The following ADD3 variants were observed in gnomAD, a reference collection of about 807,000 sequenced individuals.
ADD3 encodes adducin 3.
In ADD3, 25 loss-of-function variants were observed where a neutral mutation model predicts 80.2. The observed-to-expected ratio is 0.31, with a 90% CI of 0.23 to 0.44. ADD3 has a LOEUF of 0.44. ADD3 is among the 20% of genes least tolerant of loss of function. ADD3 has a pLI of 1.00. For missense variants in ADD3, 829 were observed against 847.5 expected, an observed-to-expected ratio of 0.98 and a Z score of 0.27; for synonymous variants, 284 against 289.6, an observed-to-expected ratio of 0.98 and a Z score of 0.20.
chr10:110,129,205 A>G (rs917907831), intron 12 of ADD3, among the ~76,000 whole-genome samples: 4 of 146,876 alleles, frequency 2.7e-5, no homozygotes, highest in Admixed American at 1.4e-4. Flanking sequence ...GCTGGAGCGC[A>G]ATGGCGTGAC....
At chr10:110,043,937 G>T (rs1012196111) in intron 1 of ADD3, among the ~76,000 whole-genome samples, 23 of 152,166 alleles carry the variant, frequency 1.5e-4, no homozygotes, top group Non-Finnish European at 2.8e-4. Flanking sequence ...GGCCGGGTGC[G>T]GTGGCTCACG....
chr10:110,126,039 G>A, intron 11 of ADD3, 94 bp downstream of exon 11: 1 of 1,281,296 alleles, frequency 7.8e-7, no homozygotes. Flanking sequence ...AAACTTAGAA[G>A]TTTGAATACA....
At chr10:110,133,056 C>G (rs189751647) in intron 14 of ADD3, among the ~76,000 whole-genome samples, 5 of 151,434 alleles carry the variant, frequency 3.3e-5, no homozygotes, top group Admixed American at 3.3e-4. Flanking sequence ...CTCATTTATA[C>G]TTAATTGATT....
At chr10:110,059,484 A>G (rs1406621603) in intron 1 of ADD3, among the ~76,000 whole-genome samples, 2 of 150,942 alleles carry the variant, frequency 1.3e-5, no homozygotes. Flanking sequence ...TCATAAATAA[A>G]TAGGCCGGGT....
intron 1 of ADD3, among the ~76,000 whole-genome samples, chr10:110,061,073 C>G (rs74154968): frequency 0.011 from 1,620 of 152,298 alleles, 32 homozygotes; most frequent in African/African-American, 0.038. Context: ...TATGTTGTCC[C>G]TCTCATTGTA....
chr10:110,011,084 CTTTTT>C (rs35981424), intron 1 of ADD3, among the ~76,000 whole-genome samples: 2 of 142,486 alleles, frequency 1.4e-5, no homozygotes, highest in African/African-American at 5.2e-5. Flanking sequence ...ATACTAAAGT[CTTTTT>C]TTTTTTTTTT....
chr10:110,066,689 C>T (rs1027397222), intron 1 of ADD3, among the ~76,000 whole-genome samples: 10 of 151,918 alleles, frequency 6.6e-5, no homozygotes, highest in African/African-American at 1.5e-4. Flanking sequence ...TTACAGGCTT[C>T]GATAAGCATA....
At chr10:110,042,923 A>G (rs1014086747) in intron 1 of ADD3, among the ~76,000 whole-genome samples, 2 of 152,198 alleles carry the variant, frequency 1.3e-5, no homozygotes, top group African/African-American at 2.4e-5. Flanking sequence ...AGGGGAAAAC[A>G]TAGAATGCAT....
intron 1 of ADD3, among the ~76,000 whole-genome samples, chr10:110,062,401 T>G (rs1589935546): frequency 3.1e-5 from 4 of 128,034 alleles, no homozygotes; most frequent in African/African-American, 3.4e-5. Context: ...GCAGCAAGAG[T>G]GAAACTCCAT....
intron 1 of ADD3, among the ~76,000 whole-genome samples, chr10:110,032,094 A>G (rs1040219095): frequency 6.6e-6 from 1 of 152,222 alleles, no homozygotes; most frequent in Non-Finnish European, 1.5e-5. Flanking sequence ...GCTAAATGCC[A>G]GGAATATCAA....
chr10:110,117,288 C>T, intron 4 of ADD3, 54 bp from the exon 5 acceptor site: 1 of 881,460 alleles, frequency 1.1e-6, no homozygotes, highest in Non-Finnish European at 1.8e-6. Flanking sequence ...AGTCATGTTT[C>T]CACTGCAAAA....
intron 1 of ADD3, among the ~76,000 whole-genome samples, chr10:110,010,006 G>T (rs1852145181): frequency 6.6e-6 from 1 of 152,208 alleles, no homozygotes; most frequent in Non-Finnish European, 1.5e-5. Flanking sequence ...TTCAAGCATT[G>T]ACTGAAAGGG....
Position 110,128,535 on chromosome 10 carries a change from C to A in ADD3, c.1609-1828C>A, listed in dbSNP as rs568444441. ...GGGTGCACGCCATTCTCTGCCTCAG[C>A]CTCCCAAGTAGCTGGGACTACAGGC... On this transcript the variant is annotated intron_variant, in intron 12 of 14. Coordinates refer to ENST00000356080, the MANE Select transcript of ADD3 (RefSeq NM_016824.5). Among the ~76,000 whole-genome samples the A allele has an allele frequency of 1.7e-3, 264 of 152,122 alleles. 1 individual carries two copies. The highest frequency in any genetic ancestry group is 3.4e-3 in the Non-Finnish European group (231 of 68,012).
At chr10:110,073,012 T>TCCATAGTG (rs1235637310) in intron 1 of ADD3, among the ~76,000 whole-genome samples, 3 of 152,054 alleles carry the variant, frequency 2.0e-5, no homozygotes, top group Non-Finnish European at 4.4e-5. Context: ...ACCTAGAACC[T>TCCATAGTG]CCATAGTGTG....
At chr10:109,996,518 A>G (rs1851383227) in intron 1 of ADD3, 1 of 152,272 alleles carries the variant, frequency 6.6e-6, no homozygotes, top group African/African-American at 2.4e-5. Context: ...AGGAAGGTCA[A>G]CAAATGACTA....
chr10:110,082,913 T>A (rs1846238483), intron 1 of ADD3, among the ~76,000 whole-genome samples: 1 of 152,284 alleles, frequency 6.6e-6, no homozygotes, highest in Admixed American at 6.5e-5. Flanking sequence ...TGGCCAGTCT[T>A]ATCAAACCAC....
intron 1 of ADD3, among the ~76,000 whole-genome samples, chr10:110,030,470 A>G (rs1854877348): frequency 6.6e-6 from 1 of 151,514 alleles, no homozygotes; most frequent in South Asian, 2.2e-4. Flanking sequence ...CAGGTGTTTT[A>G]TAGTAATCTA....
chr10:110,071,765 T>C (rs1248769949), intron 1 of ADD3, among the ~76,000 whole-genome samples: 2 of 152,232 alleles, frequency 1.3e-5, no homozygotes, highest in African/African-American at 2.4e-5. Context: ...ACAACCTCAC[T>C]AGTTTGGTGA....
At chr10:110,131,048 A>G (rs977719873) in intron 13 of ADD3, among the ~76,000 whole-genome samples, 5 of 152,192 alleles carry the variant, frequency 3.3e-5, no homozygotes, top group Non-Finnish European at 7.3e-5. Flanking sequence ...TTACAGATTC[A>G]TAAGTATGTA....
Sources: gnomAD v4.1 joint callset for allele counts (sites outside exome capture counted in the v4.1 genomes callset) on GRCh38, gnomAD v4.1.1 for gene constraint, MANE v1.5 for transcripts, NCBI Gene and HGNC (gene_info 2026-07-23, HGNC 2026-07-21) for gene names.